The following FLT1 variants were observed in gnomAD, a reference collection of about 807,000 sequenced individuals.
FLT1 encodes the protein vascular endothelial growth factor receptor 1.
Under a neutral mutation model 156.3 loss-of-function variants are expected in FLT1, and 49 were observed. The ratio of observed to expected loss-of-function variants is 0.31; its 90% CI spans 0.25 to 0.40. The LOEUF (loss-of-function observed/expected upper bound fraction) is 0.40, where lower values mean the gene tolerates loss of function less well. Ranked by LOEUF, FLT1 falls within the 10% of genes least tolerant of loss-of-function variation. FLT1 has a pLI of 1.00. For missense variants in FLT1, 1,322 were observed against 1,637.2 expected (o/e 0.81, Z 3.32); for synonymous variants, 594 against 583.8 (o/e 1.02, Z -0.25).
intron 12 of FLT1, 84 bp from the exon 13 acceptor site, chr13:28,390,188 G>T (rs7983774): frequency 6.5e-5 from 101 of 1,549,928 alleles, no homozygotes; most frequent in Non-Finnish European, 8.4e-5. Context: ...AGAATTGTTC[G>T]TGCACAAATT....
intron 26 of FLT1, 33 bp from the exon 27 acceptor site, chr13:28,311,765 C>T: frequency 6.2e-7 from 1 of 1,610,954 alleles, no homozygotes; most frequent in Non-Finnish European, 8.5e-7. Flanking sequence ...CTCGTTGCAC[C>T]AATTCTGACT....
chr13:28,376,670 G>C (rs61763255), intron 14 of FLT1, among the ~76,000 whole-genome samples: 5,727 of 152,284 alleles, frequency 0.038, 144 homozygotes, highest in Middle Eastern at 0.061. Context: ...CTTCCTTACA[G>C]TGCCACTGTG....
intron 15 of FLT1, among the ~76,000 whole-genome samples, chr13:28,351,841 T>A (rs1246805782): frequency 6.6e-6 from 1 of 152,202 alleles, no homozygotes; most frequent in African/African-American, 2.4e-5. Context: ...TACAGAAACT[T>A]TTGTTGAAAT....
At chr13:28,348,269 A>C (rs1016979794) in intron 15 of FLT1, among the ~76,000 whole-genome samples, 10 of 152,170 alleles carry the variant, frequency 6.6e-5, no homozygotes, top group African/African-American at 1.9e-4. Flanking sequence ...CCAAATCACC[A>C]ATTTAAAATC....
At chr13:28,319,617 A>G in intron 23 of FLT1, 83 bp from the exon 24 acceptor site, 2 of 775,842 alleles carry the variant, frequency 2.6e-6, no homozygotes, top group Non-Finnish European at 4.6e-6. Context: ...GTCACCTCCC[A>G]GATAACATAC....
At chr13:28,408,633 G>T (rs571948083) in intron 10 of FLT1, among the ~76,000 whole-genome samples, 108 of 152,262 alleles carry the variant, frequency 7.1e-4, no homozygotes, top group African/African-American at 2.5e-3. Flanking sequence ...ACTGTCTTGA[G>T]GGGGGAGGAA....
intron 1 of FLT1, among the ~76,000 whole-genome samples, chr13:28,483,960 A>G (rs565963236): frequency 6.6e-6 from 1 of 152,336 alleles, no homozygotes; most frequent in African/African-American, 2.4e-5. Context: ...CTAGGTTTGA[A>G]TCTTGGCTTG....
At chr13:28,485,674 C>T (rs1881113971) in intron 1 of FLT1, among the ~76,000 whole-genome samples, 1 of 152,082 alleles carries the variant, frequency 6.6e-6, no homozygotes, top group Admixed American at 6.5e-5. Flanking sequence ...CTGCTTCCCA[C>T]CCCTCGCATC....
Position 28,303,053 on chromosome 13 carries a change from G to T in FLT1, c.*114C>A. 2 of 896,232 alleles carry T rather than the reference G, an allele frequency of 2.2e-6. No individual in the cohort carries two copies. Among genetic ancestry groups the T allele is most frequent in the Non-Finnish European group, 3.4e-6 (2 of 588,894 alleles). 55.5% of individuals were successfully genotyped at this position (896,232 alleles called of 1,614,324 possible). A position where few individuals can be genotyped will look rare whatever the true frequency, so the allele number is the denominator to read the frequency against. On this transcript the variant is annotated 3_prime_UTR_variant, in exon 30 of 30. Coordinates refer to ENST00000282397, the MANE Select transcript of FLT1 (RefSeq NM_002019.4). ...TTAAAAAAATCACAAAAAGCAGCTG[G>T]CTCCCATGGAAAGATAAAGGTGTAA...
rs1947706033 is a variant in FLT1 at position 28,495,088 on chromosome 13, G to A, written c.-245C>T. On this transcript the variant is annotated 5_prime_UTR_variant, in exon 1 of 30. Coordinates refer to ENST00000282397, the MANE Select transcript of FLT1 (RefSeq NM_002019.4). The surrounding 1 kb of genome is among the most constrained non-coding windows in gnomAD (Gnocchi z 4.1). ...CGCTGCCGGGGAGGAGCCGAGAGGA[G>A]TGTCCGCCTGGCGCGCTCCGAGCCT... 2.2e-6 allele frequency: 1 copy of A among 457,650 alleles called. No homozygotes were observed. Among genetic ancestry groups the A allele is most frequent in the Admixed American group, 4.5e-5 (1 of 22,322 alleles). 28.3% of individuals were successfully genotyped at this position (457,650 alleles called of 1,614,324 possible). A position where few individuals can be genotyped will look rare whatever the true frequency, so the allele number is the denominator to read the frequency against.
chr13:28,317,301 G>A (rs1354588078), intron 25 of FLT1, among the ~76,000 whole-genome samples, 197 bp downstream of exon 25: 1 of 152,214 alleles, frequency 6.6e-6, no homozygotes, highest in African/African-American at 2.4e-5. Flanking sequence ...ATGGGTCAAG[G>A]GCCACGTGCC....
At chr13:28,316,805 T>C (rs1871228695) in intron 25 of FLT1, among the ~76,000 whole-genome samples, 1 of 152,028 alleles carries the variant, frequency 6.6e-6, no homozygotes. Flanking sequence ...GTATTTTTAG[T>C]AGAGACGGGG....
intron 1 of FLT1, among the ~76,000 whole-genome samples, chr13:28,484,464 C>A (rs573846599): frequency 1.6e-4 from 25 of 152,290 alleles, no homozygotes; most frequent in African/African-American, 5.8e-4. Context: ...AAATCATGTC[C>A]TTGATGGCTT....
chr13:28,309,388 T>C (rs1870895745), intron 27 of FLT1, among the ~76,000 whole-genome samples: 1 of 151,948 alleles, frequency 6.6e-6, no homozygotes, highest in Non-Finnish European at 1.5e-5. Context: ...GGCTTGTATT[T>C]TGTGTGTGTG....
intron 3 of FLT1, among the ~76,000 whole-genome samples, chr13:28,464,277 A>G (rs1383565809): frequency 6.6e-6 from 1 of 152,238 alleles, no homozygotes; most frequent in Non-Finnish European, 1.5e-5. Context: ...CTAATGTCCA[A>G]CAAATTATGC....
intron 25 of FLT1, 21 bp from the exon 26 acceptor site, chr13:28,312,119 A>G: frequency 4.7e-6 from 7 of 1,474,892 alleles, no homozygotes; most frequent in Non-Finnish European, 6.6e-6. Context: ...AAACAGCAAC[A>G]GAAATAGTTG....
intron 3 of FLT1, 81 bp downstream of exon 3, chr13:28,466,822 A>G: frequency 1.0e-6 from 1 of 994,582 alleles, no homozygotes; most frequent in Non-Finnish European, 1.6e-6. Flanking sequence ...CTAGGAAAGC[A>G]ACCTTTCCAA....
intron 20 of FLT1, among the ~76,000 whole-genome samples, chr13:28,326,422 C>G (rs1352628667): frequency 6.6e-6 from 1 of 151,800 alleles, no homozygotes; most frequent in African/African-American, 2.4e-5. Context: ...GTCCCCTGGA[C>G]TTCTTCAGCT....
intron 14 of FLT1, among the ~76,000 whole-genome samples, chr13:28,373,979 C>G (rs1042894446): frequency 1.3e-5 from 2 of 152,030 alleles, no homozygotes; most frequent in Non-Finnish European, 2.9e-5. Flanking sequence ...AGTACATTTC[C>G]GTGTGTTGCA....
Sources: gnomAD v4.1 joint callset for allele counts (sites outside exome capture counted in the v4.1 genomes callset) on GRCh38, gnomAD v4.1.1 for gene constraint, Gnocchi (gnomAD v3.1) non-coding constraint, MANE v1.5 for transcripts, NCBI Gene and HGNC (gene_info 2026-07-23, HGNC 2026-07-21) for gene names.